DHX34: variants seen among roughly 807,000 people sequenced by gnomAD.
DHX34 encodes the protein DExH-box helicase 34.
A neutral mutation model predicts 111.1 loss-of-function variants in DHX34; 96 were observed. The ratio of observed to expected loss-of-function variants is 0.86; its 90% CI spans 0.73 to 1.02. The LOEUF (loss-of-function observed/expected upper bound fraction) is 1.02, where lower values mean the gene tolerates loss of function less well. Among genes scored for constraint, DHX34 ranks in the 50% least tolerant of loss-of-function variants. The pLI, the probability that DHX34 is intolerant of heterozygous loss-of-function variation, is 0.00. For synonymous variants in DHX34, 688 were observed against 670.4 expected (o/e 1.03, Z -0.41); for missense variants, 1,560 against 1,579.9 (o/e 0.99, Z 0.21).
chr19:47,350,967 A>C (rs927048443), intron 1 of DHX34, among the ~76,000 whole-genome samples: 1 of 151,992 alleles, frequency 6.6e-6, no homozygotes, highest in South Asian at 2.1e-4. Flanking sequence ...AGGGGGAAAC[A>C]AACCCACTGA....
intron 6 of DHX34, among the ~76,000 whole-genome samples, chr19:47,365,584 T>C (rs575719968): frequency 1.3e-5 from 2 of 152,106 alleles, no homozygotes; most frequent in Non-Finnish European, 2.9e-5. Context: ...TTGGGTGAAC[T>C]CATAGACGGC....
chr19:47,376,435 C>G lies in DHX34; in HGVS notation c.2482-8C>G, dbSNP rs1408075124. ...GGAGGGCTTGTGCTTTCTCTCTGTC[C>G]TCCGCAGATTTTCCACACGCAGGCC... is the stretch of plus-strand genomic sequence containing the variant. On this transcript the variant is annotated splice_polypyrimidine_tract_variant and splice_region_variant and intron_variant, in intron 11 of 16. Coordinates refer to ENST00000328771, the MANE Select transcript of DHX34 (RefSeq NM_014681.6). 6.2e-7 allele frequency: 1 copy of G among 1,610,016 alleles called. No individual in the cohort carries two copies. The highest frequency in any genetic ancestry group is 1.3e-5 in the African/African-American group (1 of 74,874).
chr19:47,380,936 C>G lies in DHX34; in HGVS notation c.3103C>G (p.His1035Asp), dbSNP rs143349618. The stretch of plus-strand genomic sequence containing the variant: ...CTTTGGCAGCTCCACCCTGTCCCCC[C>G]ACCCCACAAAGGGGGGCTACGCAGT... ...GLFGSSTLSPHPTKGGYAVTD... is the reference protein window; with the variant it reads ...GLFGSSTLSPDPTKGGYAVTD... Residue 1035 changes from histidine to aspartate, a missense_variant, in exon 15 of 17, where the codon CAC becomes GAC. His to Asp is a moderately conservative substitution (Grantham distance 81). Coordinates refer to ENST00000328771, the MANE Select transcript of DHX34 (RefSeq NM_014681.6). The G allele has an allele frequency of 9.3e-6, 15 of 1,608,224 alleles. No homozygotes were observed. The Admixed American group carries it at 2.5e-4, about 27-fold the overall frequency.
chr19:47,353,289 A>G lies in DHX34; in HGVS notation c.259A>G (p.Lys87Glu), dbSNP rs765915550. Residue 87 changes from lysine to glutamate, a missense_variant, in exon 2 of 17, where the codon AAG becomes GAG. Transcript: ENST00000328771. This position sits in a 1 kb window ranked among gnomAD's most constrained non-coding sequence, Gnocchi z 4.6. ...GGAGGAGAAAGACCCTGGACAGCCC[A>G]AGCACAGCATCCCAGCGCTGGCCGA... Reference protein sequence around the residue: ...RKEEKDPGQPKHSIPALADLP... With the variant: ...RKEEKDPGQPEHSIPALADLP... 2 of 1,614,194 alleles carry G rather than the reference A, an allele frequency of 1.2e-6. No homozygotes were observed. Among genetic ancestry groups the G allele is most frequent in the Non-Finnish European group, 1.7e-6 (2 of 1,180,024 alleles).
chr19:47,367,818 G>GTAGA (rs1007072929), intron 7 of DHX34, among the ~76,000 whole-genome samples: 2 of 149,070 alleles, frequency 1.3e-5, no homozygotes, highest in Non-Finnish European at 3.0e-5. Context: ...AACCTGGGAG[G>GTAGA]TAGAGGTTGC....
intron 6 of DHX34, among the ~76,000 whole-genome samples, chr19:47,364,319 G>GA (rs1286328018): frequency 5.3e-5 from 8 of 152,208 alleles, no homozygotes; most frequent in Non-Finnish European, 8.8e-5. Context: ...AAAGGAAAAG[G>GA]AAAGTTGGGA....
At chr19:47,375,782 G>C (rs1196416378) in intron 10 of DHX34, 74 bp downstream of exon 10, 1 of 1,561,218 alleles carries the variant, frequency 6.4e-7, no homozygotes, top group African/African-American at 1.4e-5. Context: ...GGTCCCAGGG[G>C]ACATGGCCCT....
rs1296485986 is a variant in DHX34, at chr19:47,353,511, G to A, written c.481G>A (p.Ala161Thr). ...RLAKLQRERA[A>T]LPIAQYGNRI... The stretch of plus-strand genomic sequence containing the variant: ...GGCCAAGCTGCAGCGTGAGCGGGCA[G>A]CCCTCCCCATCGCCCAGTATGGGAA... Residue 161 changes from alanine to threonine, a missense_variant, in exon 2 of 17, where the codon GCC becomes ACC. Physicochemically the swap from Ala to Thr is moderately conservative, Grantham distance 58. Coordinates refer to ENST00000328771, the MANE Select transcript of DHX34 (RefSeq NM_014681.6). This position sits in a 1 kb window ranked among gnomAD's most constrained non-coding sequence, Gnocchi z 4.6. 1.9e-6 allele frequency: 3 copies of A among 1,613,756 alleles called. No individual in the cohort carries two copies. Among genetic ancestry groups the A allele is most frequent in the Admixed American group, 3.3e-5 (2 of 59,984 alleles).
rs201832906 is a variant in DHX34, at chr19:47,382,108, G to A, written c.3427G>A (p.Val1143Met). Reference protein sequence around the residue: ...TEVLRHRKQHV With the variant: ...TEVLRHRKQHM ...GGTGCTGCGCCACCGGAAGCAGCAC[G>A]TGTGAGCTGGGCCAGGAGCCCTGCC... Residue 1143 changes from valine to methionine, a missense_variant, in exon 17 of 17, where the codon GTG (valine) becomes ATG (methionine). Physicochemically the swap from Val to Met is conservative, Grantham distance 21 (BLOSUM62 1). Coordinates refer to ENST00000328771, the MANE Select transcript of DHX34 (RefSeq NM_014681.6). 20 of 1,613,924 alleles carry A rather than the reference G, an allele frequency of 1.2e-5. No homozygotes were observed. The highest frequency in any genetic ancestry group is 5.5e-5 in the South Asian group (5 of 91,088).
At chr19:47,368,734 G>A (rs1194681645) in intron 7 of DHX34, among the ~76,000 whole-genome samples, 1 of 148,968 alleles carries the variant, frequency 6.7e-6, no homozygotes, top group East Asian at 2.0e-4. Context: ...TTCTTTTTGA[G>A]ATGGAGTCTC....
chr19:47,355,004 G>T, intron 2 of DHX34, 35 bp from the exon 3 acceptor site: 1 of 1,601,612 alleles, frequency 6.2e-7, no homozygotes, highest in Non-Finnish European at 8.5e-7. Flanking sequence ...CCAGGCTCAG[G>T]GTCCTCTCCT....
chr19:47,375,840 G>T (rs1970132497), intron 10 of DHX34, 84 bp from the exon 11 acceptor site: 4 of 1,542,024 alleles, frequency 2.6e-6, no homozygotes, highest in Non-Finnish European at 2.6e-6. Flanking sequence ...TTGGTCCCAG[G>T]TATCTGCAGA....
At chr19:47,358,194 T>C in intron 4 of DHX34, 74 bp downstream of exon 4, 2 of 1,536,246 alleles carry the variant, frequency 1.3e-6, no homozygotes, top group Non-Finnish European at 8.8e-7. Context: ...AGGACTTGTG[T>C]AACTCCACAA....
rs1164986858 is a variant in DHX34 at position 47,381,257 on chromosome 19, C to A, written c.3231C>A (p.Pro1077=). 1 of 1,613,990 alleles carries A rather than the reference C, an allele frequency of 6.2e-7. No homozygotes were observed. The highest frequency in any genetic ancestry group is 8.5e-7 in the Non-Finnish European group (1 of 1,179,984). The change falls in exon 16 of 17, where the codon CCC becomes CCA. Residue 1077 remains proline (P), a synonymous_variant. Coordinates refer to ENST00000328771, the MANE Select transcript of DHX34 (RefSeq NM_014681.6). ...GCCCCCACTGTGGCCTGCATGCGCCCCTCACGCCCCTGGAGCGCATCGCCC... is the reference window on the plus strand; with the variant it reads ...GCCCCCACTGTGGCCTGCATGCGCCACTCACGCCCCTGGAGCGCATCGCCC... ...WTCPHCGLHA[P]LTPLERIAHE...
Position 47,353,798 on chromosome 19 carries a change from T to C in DHX34, c.705+63T>C. 7.2e-7 allele frequency: 1 copy of C among 1,394,852 alleles called. No homozygotes were observed. The highest frequency in any genetic ancestry group is 9.5e-7 in the Non-Finnish European group (1 of 1,051,462). The allele number at this position is 1,394,852 out of a possible 1,614,324, so 86.4% of individuals were successfully genotyped here. A position where few individuals can be genotyped will look rare whatever the true frequency, so the allele number is the denominator to read the frequency against. ...TGACCTTGGGGGAATAGGTTGCTTGTCCATATGGCAGTATCAATAAAAATG... is the reference window on the plus strand; with the variant it reads ...TGACCTTGGGGGAATAGGTTGCTTGCCCATATGGCAGTATCAATAAAAATG... On this transcript the variant is annotated intron_variant, in intron 2 of 16. Transcript: ENST00000328771. This position sits in a 1 kb window ranked among gnomAD's most constrained non-coding sequence, Gnocchi z 4.6.
chr19:47,355,733 T>C (rs1969437761), intron 3 of DHX34, among the ~76,000 whole-genome samples: 1 of 151,920 alleles, frequency 6.6e-6, no homozygotes, highest in South Asian at 2.1e-4. Context: ...GTGCCTGTAG[T>C]CCCAGCTACT....
intron 13 of DHX34, among the ~76,000 whole-genome samples, chr19:47,378,088 G>GC (rs1454117185): frequency 6.6e-6 from 1 of 152,118 alleles, no homozygotes; most frequent in African/African-American, 2.4e-5. Context: ...GGGTCACACT[G>GC]CCCCCTCCTG....
rs201997012 is a variant in DHX34, at chr19:47,367,102, C to T, written c.1715C>T (p.Ala572Val). Reference protein sequence around the residue: ...RDQGALDSSEALTPIGSLLAQ... With the variant: ...RDQGALDSSEVLTPIGSLLAQ... ...CAGGGGGCCCTGGACAGCTCAGAGG[C>T]CCTCACACCCATTGGGTCCCTGCTA... Residue 572 changes from alanine to valine, a missense_variant, in exon 7 of 17, where the codon GCC (alanine) becomes GTC (valine). Transcript: ENST00000328771. 4 of 1,595,634 alleles carry T rather than the reference C, an allele frequency of 2.5e-6. No homozygotes were observed. Among genetic ancestry groups the T allele is most frequent in the Non-Finnish European group, 3.4e-6 (4 of 1,170,960 alleles).
At chr19:47,352,056 C>T (rs779396561) in intron 1 of DHX34, among the ~76,000 whole-genome samples, 1 of 152,244 alleles carries the variant, frequency 6.6e-6, no homozygotes, top group Non-Finnish European at 1.5e-5. Flanking sequence ...TCACACCTCT[C>T]TCCTATTACT....
Sources: allele counts gnomAD v4.1 joint callset (sites outside exome capture counted in the v4.1 genomes callset), GRCh38; gene constraint gnomAD v4.1.1; non-coding constraint Gnocchi (gnomAD v3.1); transcripts MANE v1.5; gene names NCBI Gene and HGNC (gene_info 2026-07-23, HGNC 2026-07-21).